Variants in PAMR1 observed in about 807,000 individuals in gnomAD.
The protein encoded by PAMR1 is inactive serine protease PAMR1.
A neutral mutation model predicts 81.8 loss-of-function variants in PAMR1; 88 were observed. That is an observed-to-expected ratio of 1.08 (90% CI 0.91 to 1.28). PAMR1 has a LOEUF of 1.28. Among genes scored for constraint, PAMR1 ranks in the 50% most tolerant of loss-of-function variants. PAMR1 has a pLI of 0.00. For synonymous variants in PAMR1, 336 were observed against 345.3 expected (o/e 0.97, Z 0.30); for missense variants, 935 against 919.7 (o/e 1.02, Z -0.21).
intron 8 of PAMR1, among the ~76,000 whole-genome samples, chr11:35,439,216 T>C (rs2135339464): frequency 6.6e-6 from 1 of 152,322 alleles, no homozygotes; most frequent in Non-Finnish European, 1.5e-5. Context: ...GCCTGCCTCA[T>C]CTCACTGGTT....
chr11:35,523,635 A>G (rs1179474591), intron 1 of PAMR1, among the ~76,000 whole-genome samples: 1 of 152,252 alleles, frequency 6.6e-6, no homozygotes, highest in East Asian at 1.9e-4. Flanking sequence ...ATACGCTTCC[A>G]AGCTTTTCTT....
At chr11:35,503,406 G>A (rs1850891462) in intron 1 of PAMR1, among the ~76,000 whole-genome samples, 1 of 151,802 alleles carries the variant, frequency 6.6e-6, no homozygotes, top group Non-Finnish European at 1.5e-5. Context: ...TTGATTAAGA[G>A]TTGCACTGAA....
intron 6 of PAMR1, among the ~76,000 whole-genome samples, chr11:35,444,504 T>G (rs1233696726): frequency 1.3e-5 from 2 of 152,220 alleles, no homozygotes; most frequent in Non-Finnish European, 2.9e-5. Flanking sequence ...TTTTCCATCT[T>G]GAGTTAATTT....
At chr11:35,455,434 C>A (rs1397846799) in intron 6 of PAMR1, among the ~76,000 whole-genome samples, 3 of 152,202 alleles carry the variant, frequency 2.0e-5, no homozygotes, top group Non-Finnish European at 2.9e-5. Flanking sequence ...TGTGATGAGA[C>A]AACAGACCTC....
chr11:35,490,482 C>CA (rs1224436917), intron 3 of PAMR1, among the ~76,000 whole-genome samples: 5 of 152,208 alleles, frequency 3.3e-5, no homozygotes, highest in Admixed American at 6.5e-5. Context: ...ACAACTATCT[C>CA]AAACTATTAT....
intron 6 of PAMR1, among the ~76,000 whole-genome samples, chr11:35,460,308 CTTTCT>C (rs1280606796): frequency 6.6e-6 from 1 of 150,550 alleles, no homozygotes; most frequent in Non-Finnish European, 1.5e-5. Flanking sequence ...GTATCCTCCT[CTTTCT>C]TTTTTTTTTT....
intron 2 of PAMR1, among the ~76,000 whole-genome samples, chr11:35,493,071 C>T: frequency 6.6e-6 from 1 of 152,144 alleles, no homozygotes; most frequent in East Asian, 1.9e-4. Flanking sequence ...CTCTGTTCTT[C>T]CCTTCCCTCT....
chr11:35,458,938 C>G (rs1183717181), intron 6 of PAMR1, among the ~76,000 whole-genome samples: 1 of 152,156 alleles, frequency 6.6e-6, no homozygotes, highest in Non-Finnish European at 1.5e-5. Context: ...AGGTCTTCAC[C>G]AACCAGGAAT....
chr11:35,514,791 G>A (rs1851133194), intron 1 of PAMR1, among the ~76,000 whole-genome samples: 1 of 152,148 alleles, frequency 6.6e-6, no homozygotes, highest in Non-Finnish European at 1.5e-5. Context: ...TTTGAGACCA[G>A]CCTGGGCAAC....
intron 3 of PAMR1, among the ~76,000 whole-genome samples, chr11:35,491,076 G>A (rs1850615660): frequency 6.6e-6 from 1 of 152,096 alleles, no homozygotes; most frequent in African/African-American, 2.4e-5. Context: ...ACCTAAAATG[G>A]CATCGAAGTT....
At chr11:35,477,328 T>C (rs1439619681) in intron 3 of PAMR1, among the ~76,000 whole-genome samples, 1 of 152,210 alleles carries the variant, frequency 6.6e-6, no homozygotes, top group South Asian at 2.1e-4. Flanking sequence ...TCTCATTTAG[T>C]CTTCATAAAA....
chr11:35,525,100 C>G (rs915853377), intron 1 of PAMR1, among the ~76,000 whole-genome samples: 3 of 152,150 alleles, frequency 2.0e-5, no homozygotes, highest in Non-Finnish European at 4.4e-5. Context: ...TTCTTTCCCT[C>G]TCTTCTTTCT....
intron 6 of PAMR1, among the ~76,000 whole-genome samples, chr11:35,448,486 A>G (rs907009474): frequency 6.6e-6 from 1 of 152,152 alleles, no homozygotes; most frequent in African/African-American, 2.4e-5. Flanking sequence ...TTTCAGCTCC[A>G]TCAGGTCATT....
At chr11:35,450,213 T>C (rs1188503461) in intron 6 of PAMR1, among the ~76,000 whole-genome samples, 1 of 149,486 alleles carries the variant, frequency 6.7e-6, no homozygotes, top group Non-Finnish European at 1.5e-5. Flanking sequence ...TAAATAACTT[T>C]CCTATGTGCA....
intron 8 of PAMR1, among the ~76,000 whole-genome samples, chr11:35,438,108 C>G (rs1856090355): frequency 6.6e-6 from 1 of 152,174 alleles, no homozygotes; most frequent in Non-Finnish European, 1.5e-5. Context: ...TTGCTACAGC[C>G]TTTACATAAG....
At position 35,481,035 on chromosome 11, in the gene PAMR1, C is replaced by T. The variant is rs564894446; in HGVS notation, c.380-6291G>A. Reference sequence around the variant, plus strand: ...CAGGTCCCTGCAAAGGACATGATCTCATTCCTTTTTATGGCTACATAATAT... The same window carrying T: ...CAGGTCCCTGCAAAGGACATGATCTTATTCCTTTTTATGGCTACATAATAT... On this transcript the variant is annotated intron_variant, in intron 3 of 10. Transcript: ENST00000619888. Among the ~76,000 whole-genome samples the T allele has an allele frequency of 3.3e-5, 5 of 152,300 alleles. No homozygotes were observed. In the East Asian group the frequency reaches 9.7e-4, roughly 29 times the overall value.
chr11:35,479,872 T>C (rs1042097632), intron 3 of PAMR1, among the ~76,000 whole-genome samples: 2 of 152,182 alleles, frequency 1.3e-5, no homozygotes, highest in African/African-American at 2.4e-5. Flanking sequence ...AGGGTTGCAA[T>C]GGGGATTAAA....
chr11:35,519,085 A>G (rs1348250080), intron 1 of PAMR1, among the ~76,000 whole-genome samples: 2 of 152,226 alleles, frequency 1.3e-5, no homozygotes, highest in African/African-American at 4.8e-5. Context: ...AAAGGCATTT[A>G]TCCAACACCA....
At chr11:35,457,146 G>A (rs925884589) in intron 6 of PAMR1, among the ~76,000 whole-genome samples, 1 of 152,198 alleles carries the variant, frequency 6.6e-6, no homozygotes, top group Admixed American at 6.5e-5. Context: ...GCATGTCTGT[G>A]AGGGTGTTTC....
Sources: allele counts gnomAD v4.1 joint callset (sites outside exome capture counted in the v4.1 genomes callset), GRCh38; gene constraint gnomAD v4.1.1; transcripts MANE v1.5; gene names NCBI Gene and HGNC (gene_info 2026-07-23, HGNC 2026-07-21).